Variants in PGF observed in about 807,000 individuals in gnomAD.
PGF encodes the protein placenta growth factor.
Under a neutral mutation model 25.3 loss-of-function variants are expected in PGF, and 11 were observed. The observed-to-expected ratio is 0.43, with a 90% CI of 0.27 to 0.72. PGF has a LOEUF of 0.72. Ranked by LOEUF, PGF falls within the 30% of genes least tolerant of loss-of-function variation. PGF has a pLI of 0.18. For missense variants in PGF, 230 were observed against 234.9 expected, an observed-to-expected ratio of 0.98 and a Z score of 0.14; for synonymous variants, 105 against 97.9, an observed-to-expected ratio of 1.07 and a Z score of -0.43.
Position 74,955,067 on chromosome 14 carries a change from G to A in PGF, c.75+101C>T, listed in dbSNP as rs138263579. The A allele has an allele frequency of 6.3e-5, 35 of 559,118 alleles. No homozygotes were observed. Among genetic ancestry groups the A allele is most frequent in the Non-Finnish European group, 8.7e-6 (3 of 342,988 alleles). 34.6% of individuals were successfully genotyped at this position (559,118 alleles called of 1,614,324 possible). ...TAGGAAGTGTGTGGACATCCTTGGAGTTGCTGCTCCCTGGAGTGGGTCTGT... is the reference window on the plus strand; with the variant it reads ...TAGGAAGTGTGTGGACATCCTTGGAATTGCTGCTCCCTGGAGTGGGTCTGT... On this transcript the variant is annotated intron_variant, in intron 1 of 6. Transcript: ENST00000555567. The surrounding 1 kb of genome is among the most constrained non-coding windows in gnomAD (Gnocchi z 4.1).
intron 2 of PGF, among the ~76,000 whole-genome samples, 188 bp from the exon 3 acceptor site, chr14:74,949,741 G>A (rs1430906257): frequency 6.6e-6 from 1 of 152,138 alleles, no homozygotes; most frequent in Non-Finnish European, 1.5e-5. Context: ...CTGCTGGATG[G>A]AAATCCCCAT....
chr14:74,951,654 G>A (rs936155119), intron 2 of PGF, among the ~76,000 whole-genome samples: 2 of 152,182 alleles, frequency 1.3e-5, no homozygotes, highest in African/African-American at 4.8e-5. Flanking sequence ...GAACTGGCTG[G>A]GCCTCGGCAG....
At position 74,946,720 on chromosome 14, in the gene PGF, TTTTC is replaced by T. The variant is rs752529989; in HGVS notation, c.393-316_393-313del. On this transcript the variant is annotated intron_variant, in intron 4 of 6. Coordinates refer to ENST00000555567, the MANE Select transcript of PGF (RefSeq NM_002632.6). ...TTGTTTCTGTCTGTTCTCTGTTGCTTTTTCTTTCTCACTTTCTTTGCTGCTTTTT... is the reference window on the plus strand; with the variant it reads ...TTGTTTCTGTCTGTTCTCTGTTGCTTTTTCTCACTTTCTTTGCTGCTTTTT... 1.0e-5 allele frequency: 7 copies of T among 697,654 alleles called. No individual in the cohort carries two copies. The South Asian group carries it at 1.0e-4, about 10-fold the overall frequency. 43.2% of individuals were successfully genotyped at this position (697,654 alleles called of 1,614,324 possible). A position where few individuals can be genotyped will look rare whatever the true frequency, so the allele number is the denominator to read the frequency against.
intron 6 of PGF, chr14:74,945,973 G>A (rs1888721577): frequency 3.6e-6 from 2 of 561,372 alleles, no homozygotes; most frequent in Non-Finnish European, 6.4e-6. Flanking sequence ...GAAAAGCTAG[G>A]CTGACAAAGG....
rs112028921 is a variant in PGF, at chr14:74,954,187, CT to C, written c.76-242del. On this transcript the variant is annotated intron_variant, in intron 1 of 6. Coordinates refer to ENST00000555567, the MANE Select transcript of PGF (RefSeq NM_002632.6). ...TTGGAAAAGGATGGGAGGCTAGAAGCTTTTGGAGACCCTTGGCCTGCTGCAT... is the reference window on the plus strand; with the variant it reads ...TTGGAAAAGGATGGGAGGCTAGAAGCTTTGGAGACCCTTGGCCTGCTGCAT... 6.6e-4 allele frequency: 369 copies of C among 560,076 alleles called. 1 individual carries two copies. Among genetic ancestry groups the C allele is most frequent in the African/African-American group, 6.4e-3 (343 of 53,186 alleles). The allele number at this position is 560,076 out of a possible 1,614,324, so 34.7% of individuals were successfully genotyped here. A position where few individuals can be genotyped will look rare whatever the true frequency, so the allele number is the denominator to read the frequency against.
chr14:74,943,331 A>C (rs948606264), intron 6 of PGF, among the ~76,000 whole-genome samples: 17 of 152,202 alleles, frequency 1.1e-4, no homozygotes, highest in African/African-American at 4.8e-5. Context: ...TGCCAGGTAA[A>C]AGTATTCTGA....
In PGF at chr14:74,949,501, C is replaced by T; in HGVS notation, c.171G>A (p.Arg57=). ...GGTACTCGGACACGACGTCCACCAG[C>T]CTCTCCAGCGCCCGGCAGTAGCTGC... ...WGRSYCRALE[R]LVDVVSEYPS... The change falls in exon 3 of 7, where the codon AGG becomes AGA. Residue 57 remains arginine, a synonymous_variant. Transcript: ENST00000555567. 2 of 1,607,918 alleles carry T rather than the reference C, an allele frequency of 1.2e-6. No homozygotes were observed. Among genetic ancestry groups the T allele is most frequent in the East Asian group, 4.5e-5 (2 of 44,472 alleles).
Position 74,953,871 on chromosome 14 carries a change from G to A in PGF, c.118+33C>T. On this transcript the variant is annotated intron_variant, in intron 2 of 6. Transcript: ENST00000555567. The surrounding 1 kb of genome is among the most constrained non-coding windows in gnomAD (Gnocchi z 5.4). ...GGGAGAAAGGAAGAGAGGGGCTTGG[G>A]GAGCATGCGTACCCCCAGCCTGGCC... 6.2e-7 allele frequency: 1 copy of A among 1,609,966 alleles called. No homozygotes were observed.
rs1238909892 is a variant in PGF, at chr14:74,950,399, C to T, written c.119-846G>A. 1.3e-5 allele frequency among the ~76,000 whole-genome samples: 2 copies of T among 152,212 alleles called. No individual in the cohort carries two copies. The highest frequency in any genetic ancestry group is 2.4e-5 in the African/African-American group (1 of 41,452). ...GAGGCTCCATGAGGGCAGAGATGGA[C>T]GTACCCGTAAACACAGGCTAAGTCA... On this transcript the variant is annotated intron_variant, in intron 2 of 6. Transcript: ENST00000555567. The surrounding 1 kb of genome is among the most constrained non-coding windows in gnomAD (Gnocchi z 4.1).
chr14:74,946,791 C>T, intron 4 of PGF: 1 of 723,884 alleles, frequency 1.4e-6, no homozygotes, highest in Non-Finnish European at 2.5e-6. Context: ...TCCTCAGGGA[C>T]AGGAGATGAT....
Position 74,942,675 on chromosome 14 carries a change from G to A in PGF, c.*31C>T. 1.2e-6 allele frequency: 2 copies of A among 1,608,764 alleles called. No individual in the cohort carries two copies. Among genetic ancestry groups the A allele is most frequent in the Non-Finnish European group, 1.7e-6 (2 of 1,176,524 alleles). On this transcript the variant is annotated 3_prime_UTR_variant, in exon 7 of 7. Coordinates refer to ENST00000555567, the MANE Select transcript of PGF (RefSeq NM_002632.6). ...GTGACGGTAATAAATACACGAGCCGGGTGCGGGGTCTCTCTCCTCCAAGGG... is the reference window on the plus strand; with the variant it reads ...GTGACGGTAATAAATACACGAGCCGAGTGCGGGGTCTCTCTCCTCCAAGGG...
At chr14:74,948,217 C>G (rs566171987) in intron 4 of PGF, 1 of 315,464 alleles carries the variant, frequency 3.2e-6, no homozygotes, top group Non-Finnish European at 5.8e-6. Flanking sequence ...CGACACGCAC[C>G]GAACCCCTGC....
intron 4 of PGF, 104 bp downstream of exon 4, chr14:74,948,403 G>A (rs1888790622): frequency 3.2e-6 from 2 of 631,286 alleles, no homozygotes; most frequent in South Asian, 2.1e-5. Flanking sequence ...TCAGCCCGCA[G>A]CGGGGATGGG....
intron 1 of PGF, among the ~76,000 whole-genome samples, 185 bp downstream of exon 1, chr14:74,954,983 A>T (rs1426362586): frequency 1.5e-5 from 2 of 135,268 alleles, no homozygotes; most frequent in African/African-American, 5.5e-5. Flanking sequence ...AGCCCCCAGG[A>T]CCTGGGGGAC....
Position 74,949,471 on chromosome 14 carries a change from G to C in PGF, c.201C>G (p.Ser67Arg), listed in dbSNP as rs182964987. Residue 67 changes from serine (S) to arginine (R), a missense_variant, in exon 3 of 7, where the codon AGC becomes AGG. Physicochemically the swap from Ser to Arg is moderately radical, Grantham distance 110. Coordinates refer to ENST00000555567, the MANE Select transcript of PGF (RefSeq NM_002632.6). ...RLVDVVSEYPSEVEHMFSPSC... is the reference protein window; with the variant it reads ...RLVDVVSEYPREVEHMFSPSC... The stretch of plus-strand genomic sequence containing the variant: ...ATGGGCTGAACATGTGCTCCACCTC[G>C]CTGGGGTACTCGGACACGACGTCCA... 13 of 1,612,046 alleles carry C rather than the reference G, an allele frequency of 8.1e-6. No homozygotes were observed. In the South Asian group the frequency reaches 1.4e-4, roughly 18 times the overall value.
intron 3 of PGF, among the ~76,000 whole-genome samples, chr14:74,948,804 T>A (rs1328936697): frequency 1.3e-5 from 2 of 152,076 alleles, no homozygotes; most frequent in Non-Finnish European, 2.9e-5. Flanking sequence ...AGCACAGCAA[T>A]AGCACAGGAA....
At position 74,955,097 on chromosome 14, in the gene PGF, TCA is replaced by T. The variant is rs2140411538; in HGVS notation, c.75+69_75+70del. Reference sequence around the variant, plus strand: ...TGCTCCCTGGAGTGGGTCTGTGATTTCAGAGTCCCATGCTTCCAGTGCTGGGA... The same window carrying T: ...TGCTCCCTGGAGTGGGTCTGTGATTTGAGTCCCATGCTTCCAGTGCTGGGA... On this transcript the variant is annotated intron_variant, in intron 1 of 6. Coordinates refer to ENST00000555567, the MANE Select transcript of PGF (RefSeq NM_002632.6). The surrounding 1 kb of genome is among the most constrained non-coding windows in gnomAD (Gnocchi z 4.1). 1.2e-6 allele frequency: 1 copy of T among 843,000 alleles called. No individual in the cohort carries two copies. Among genetic ancestry groups the T allele is most frequent in the African/African-American group, 1.8e-5 (1 of 56,440 alleles). The allele number at this position is 843,000 out of a possible 1,614,324, so 52.2% of individuals were successfully genotyped here.
At position 74,942,684 on chromosome 14, in the gene PGF, T is replaced by A. The variant is rs1888629747; in HGVS notation, c.*22A>T. On this transcript the variant is annotated 3_prime_UTR_variant, in exon 7 of 7. Transcript: ENST00000555567. ...ATAAATACACGAGCCGGGTGCGGGG[T>A]CTCTCTCCTCCAAGGGGTGGGTTAC... 5 of 1,611,272 alleles carry A rather than the reference T, an allele frequency of 3.1e-6. No homozygotes were observed. Among genetic ancestry groups the A allele is most frequent in the South Asian group, 1.1e-5 (1 of 90,710 alleles).
intron 6 of PGF, among the ~76,000 whole-genome samples, chr14:74,943,158 G>A (rs756330915): frequency 6.6e-5 from 10 of 152,116 alleles, no homozygotes; most frequent in Admixed American, 2.0e-4. Flanking sequence ...GGGGAGTACC[G>A]CTAGACGCAC....
Sources: allele counts gnomAD v4.1 joint callset (sites outside exome capture counted in the v4.1 genomes callset), GRCh38; gene constraint gnomAD v4.1.1; non-coding constraint Gnocchi (gnomAD v3.1); transcripts MANE v1.5; gene names NCBI Gene and HGNC (gene_info 2026-07-23, HGNC 2026-07-21).